The following BDNF variants were observed in gnomAD, a reference collection of about 807,000 sequenced individuals.
BDNF encodes neurotrophic factor BDNF precursor form.
In BDNF, 1 loss-of-function variant was observed where a neutral mutation model predicts 19.5. The ratio of observed to expected loss-of-function variants is 0.05; its 90% CI spans 0.02 to 0.24. The LOEUF (loss-of-function observed/expected upper bound fraction) is 0.24, where lower values mean the gene tolerates loss of function less well. Among genes scored for constraint, BDNF ranks in the 10% least tolerant of loss-of-function variants. BDNF has a pLI of 1.00. For missense variants in BDNF, 195 were observed against 317.6 expected (o/e 0.61, Z 2.93); for synonymous variants, 100 against 121.6 (o/e 0.82, Z 1.17).
chr11:27,716,991 C>T (rs1191057639), intron 1 of BDNF, among the ~76,000 whole-genome samples: 1 of 152,170 alleles, frequency 6.6e-6, no homozygotes, highest in Non-Finnish European at 1.5e-5. Context: ...CATCCAGTCC[C>T]TTGCCTTCTC....
At chr11:27,714,518 T>G (rs1860445268) in intron 1 of BDNF, among the ~76,000 whole-genome samples, 1 of 152,172 alleles carries the variant, frequency 6.6e-6, no homozygotes, top group Non-Finnish European at 1.5e-5. Flanking sequence ...CGCAGAAATT[T>G]GAGATCATTC....
intron 1 of BDNF, among the ~76,000 whole-genome samples, chr11:27,660,827 C>G (rs1299080068): frequency 6.6e-6 from 1 of 150,750 alleles, no homozygotes; most frequent in Non-Finnish European, 1.5e-5. Flanking sequence ...TTACTAAGTG[C>G]CCACACTAAC....
chr11:27,712,519 A>ATT (rs35699873), intron 1 of BDNF, among the ~76,000 whole-genome samples: 6 of 144,642 alleles, frequency 4.1e-5, no homozygotes, highest in African/African-American at 1.3e-4. Context: ...TTCACTTAGA[A>ATT]TTTTTTTTTT....
At chr11:27,708,232 C>T (rs1860188018) in intron 1 of BDNF, among the ~76,000 whole-genome samples, 3 of 152,166 alleles carry the variant, frequency 2.0e-5, no homozygotes, top group African/African-American at 7.2e-5. Context: ...ATACTAAATA[C>T]TGATTTGAAC....
chr11:27,701,035 A>G (rs781253766), upstream of BDNF: 19 of 1,358,620 alleles, frequency 1.4e-5, no homozygotes, highest in Admixed American at 2.5e-4. Flanking sequence ...CGCACAGAGC[A>G]TGGGGGCTAT....
intron 1 of BDNF, among the ~76,000 whole-genome samples, chr11:27,682,670 G>C (rs1224685047): frequency 1.3e-5 from 2 of 152,024 alleles, no homozygotes; most frequent in Non-Finnish European, 2.9e-5. Flanking sequence ...TTGGTTTTCT[G>C]TTCCTGTGTT....
intron 1 of BDNF, among the ~76,000 whole-genome samples, chr11:27,679,108 A>C (rs1012262571): frequency 6.6e-6 from 1 of 152,222 alleles, no homozygotes; most frequent in Non-Finnish European, 1.5e-5. Flanking sequence ...CAAGGTGCCT[A>C]GTTCCAGCTG....
At chr11:27,660,166 T>C in intron 1 of BDNF, 1 of 1,151,074 alleles carries the variant, frequency 8.7e-7, no homozygotes, top group Non-Finnish European at 1.1e-6. Context: ...CTCCAGTCAA[T>C]AGGTCAGAAT....
Position 27,656,635 on chromosome 11 carries a change from G to A in BDNF, c.*1186C>T. The A allele has an allele frequency of 1.0e-6, 1 of 985,736 alleles. No individual in the cohort carries two copies. The allele number at this position is 985,736 out of a possible 1,614,324, so 61.1% of individuals were successfully genotyped here. A position where few individuals can be genotyped will look rare whatever the true frequency, so the allele number is the denominator to read the frequency against. On this transcript the variant is annotated 3_prime_UTR_variant, in exon 2 of 2. Transcript: ENST00000356660. Reference sequence around the variant, plus strand: ...TCAGTCTCATGTCACTGGCAATGTGGATTCCTGTTCTGATCTAGGTGTTTC... The same window carrying A: ...TCAGTCTCATGTCACTGGCAATGTGAATTCCTGTTCTGATCTAGGTGTTTC...
At chr11:27,699,742 C>T (rs555627990) in intron 1 of BDNF, 3 of 1,324,024 alleles carry the variant, frequency 2.3e-6, no homozygotes, top group Non-Finnish European at 2.9e-6. Flanking sequence ...GCGCGGGGAC[C>T]ACCCACCCCC....
At chr11:27,668,605 A>G (rs934221484) in intron 1 of BDNF, among the ~76,000 whole-genome samples, 47 of 152,220 alleles carry the variant, frequency 3.1e-4, no homozygotes, top group African/African-American at 9.4e-4. Context: ...CAGAAATACA[A>G]ACTACCATCA....
At chr11:27,677,265 C>T (rs1334918617) in intron 1 of BDNF, 1 of 152,194 alleles carries the variant, frequency 6.6e-6, no homozygotes, top group Non-Finnish European at 1.5e-5. Context: ...CTGTGCAGGA[C>T]AATTAGGCAA....
At chr11:27,684,481 T>C (rs1353603090) in intron 1 of BDNF, among the ~76,000 whole-genome samples, 1 of 152,230 alleles carries the variant, frequency 6.6e-6, no homozygotes, top group African/African-American at 2.4e-5. Context: ...TTTGTGCCGG[T>C]TTTCAAATGA....
intron 1 of BDNF, chr11:27,699,573 G>T (rs950215018): frequency 6.6e-7 from 1 of 1,511,350 alleles, no homozygotes; most frequent in Non-Finnish European, 8.8e-7. Context: ...AGTTCCCAGC[G>T]GTAGGAATTC....
Position 27,700,325 on chromosome 11 carries a change from AG to A in BDNF, c.-184del, listed in dbSNP as rs1473501703. The A allele has an allele frequency of 2.0e-6, 2 of 984,898 alleles. No homozygotes were observed. Among genetic ancestry groups the A allele is most frequent in the African/African-American group, 3.5e-5 (2 of 57,070 alleles). 61.0% of individuals were successfully genotyped at this position (984,898 alleles called of 1,614,324 possible). ...TTAAAGCCCCCCGAGCAGGAGGTGG[AG>A]GGGCGCACCGGGCTGGCTCCTCTGT... On this transcript the variant is annotated 5_prime_UTR_variant, in exon 1 of 2. Coordinates refer to ENST00000356660, the MANE Select transcript of BDNF (RefSeq NM_001709.5).
chr11:27,718,160 A>T (rs978777794), intron 1 of BDNF, among the ~76,000 whole-genome samples: 21 of 152,184 alleles, frequency 1.4e-4, no homozygotes, highest in Admixed American at 1.4e-3. Context: ...ATTTAGAGTG[A>T]CAGATGATTT....
In BDNF at chr11:27,658,451, C is replaced by T. The variant is rs943009748; in HGVS notation, c.114G>A (p.Arg38=). ...GQGGLAYPGV[R]THGTLESVNG... ...TCACGCTCTCCAGAGTCCCATGGGTCCGCACACCTGGGTAGGCCAAGCCAC... is the reference window on the plus strand; with the variant it reads ...TCACGCTCTCCAGAGTCCCATGGGTTCGCACACCTGGGTAGGCCAAGCCAC... The change falls in exon 2 of 2, where the codon CGG becomes CGA. Residue 38 remains arginine, a synonymous_variant. Transcript: ENST00000356660. The surrounding 1 kb of genome is among the most constrained non-coding windows in gnomAD (Gnocchi z 5.7). 1 of 1,614,164 alleles carries T rather than the reference C, an allele frequency of 6.2e-7. No individual in the cohort carries two copies. The highest frequency in any genetic ancestry group is 8.5e-7 in the Non-Finnish European group (1 of 1,180,044).
chr11:27,700,525 C>A (rs1564989693), upstream of BDNF: 59 of 428,828 alleles, frequency 1.4e-4, no homozygotes, highest in South Asian at 3.3e-4. Context: ...GCGCCGCCCC[C>A]CCCCCCCCGC....
In BDNF at chr11:27,658,837, C is replaced by T. The variant is rs1221111731; in HGVS notation, c.-21-252G>A. 3.7e-6 allele frequency: 5 copies of T among 1,358,862 alleles called. No individual in the cohort carries two copies. The highest frequency in any genetic ancestry group is 4.8e-6 in the Non-Finnish European group (5 of 1,049,926). 84.2% of individuals were successfully genotyped at this position (1,358,862 alleles called of 1,614,324 possible). On this transcript the variant is annotated intron_variant, in intron 1 of 1. Transcript: ENST00000356660. This position sits in a 1 kb window ranked among gnomAD's most constrained non-coding sequence, Gnocchi z 5.7. ...ATATAAACCTGAGATTAGATGGCTT[C>T]TAAGCAAGTGCAAAAATTGTGGCTT... is the stretch of plus-strand genomic sequence containing the variant.
Sources: gnomAD v4.1 joint callset for allele counts (sites outside exome capture counted in the v4.1 genomes callset) on GRCh38, gnomAD v4.1.1 for gene constraint, Gnocchi (gnomAD v3.1) non-coding constraint, MANE v1.5 for transcripts, NCBI Gene and HGNC (gene_info 2026-07-23, HGNC 2026-07-21) for gene names.